TFCP2: variants seen among roughly 807,000 people sequenced by gnomAD.
TFCP2 encodes transcription factor CP2.
Under a neutral mutation model 73.4 loss-of-function variants are expected in TFCP2, and 33 were observed. The ratio of observed to expected loss-of-function variants is 0.45; its 90% confidence interval spans 0.34 to 0.60. The LOEUF is 0.60. TFCP2 is among the 20% of genes least tolerant of loss of function. The pLI is 0.01. For synonymous variants in TFCP2, 193 were observed against 211.6 expected (o/e 0.91, Z 0.76); for missense variants, 352 against 604.0 (o/e 0.58, Z 4.37).
intron 1 of TFCP2, among the ~76,000 whole-genome samples, chr12:51,134,263 C>T (rs1000912516): frequency 4.6e-5 from 7 of 152,094 alleles, no homozygotes; most frequent in Admixed American, 2.0e-4. Flanking sequence ...CGAAACAATA[C>T]TTACTAATTT....
rs1163845920 is a variant in TFCP2, at chr12:51,102,022, G to A, written c.1064C>T (p.Ala355Val). Residue 355 changes from alanine (A) to valine (V), a missense_variant, in exon 11 of 15, where the codon GCA (alanine) becomes GTA (valine). Physicochemically the swap from Ala to Val is moderately conservative, Grantham distance 64. Around this residue, in one of 6 missense-constraint regions of TFCP2, gnomAD observed 194 missense variants for 256.3 expected, o/e 0.76. Transcript: ENST00000257915. ...FTRLFTNFSG[A>V]DLLKLTRDDV... ...ATCTCTAGTTAATTTCAATAAATCTGCCCCTGGAATAAATATAAGAAAATG... is the reference window on the plus strand; with the variant it reads ...ATCTCTAGTTAATTTCAATAAATCTACCCCTGGAATAAATATAAGAAAATG... 6.2e-7 allele frequency: 1 copy of A among 1,605,016 alleles called. No individual in the cohort carries two copies. The highest frequency in any genetic ancestry group is 8.5e-7 in the Non-Finnish European group (1 of 1,172,444).
intron 1 of TFCP2, among the ~76,000 whole-genome samples, chr12:51,153,046 T>C (rs1176068520): frequency 6.6e-6 from 1 of 152,200 alleles, no homozygotes; most frequent in Non-Finnish European, 1.5e-5. Flanking sequence ...TTGCATTCTT[T>C]TTGTTTTCCA....
At chr12:51,141,515 C>T (rs762599226) in intron 1 of TFCP2, among the ~76,000 whole-genome samples, 3 of 151,990 alleles carry the variant, frequency 2.0e-5, no homozygotes, top group Non-Finnish European at 4.4e-5. Context: ...GTCTTGTCAC[C>T]CTATTATCAA....
chr12:51,118,155 T>C (rs547521871), intron 2 of TFCP2, among the ~76,000 whole-genome samples: 8 of 152,182 alleles, frequency 5.3e-5, no homozygotes, highest in Non-Finnish European at 1.2e-4. Flanking sequence ...AAGCTAGTAA[T>C]AGATATCAAG....
chr12:51,165,718 T>C (rs1941744087), intron 1 of TFCP2, among the ~76,000 whole-genome samples: 1 of 152,190 alleles, frequency 6.6e-6, no homozygotes, highest in Non-Finnish European at 1.5e-5. Context: ...TTAATTACAC[T>C]GATCTGGACA....
intron 1 of TFCP2, among the ~76,000 whole-genome samples, chr12:51,125,832 T>C (rs530748246): frequency 3.3e-5 from 5 of 152,218 alleles, no homozygotes; most frequent in Non-Finnish European, 5.9e-5. Flanking sequence ...GCGTGGTGGC[T>C]CATGCCTGTA....
At chr12:51,137,364 A>C (rs1941084106) in intron 1 of TFCP2, among the ~76,000 whole-genome samples, 1 of 152,134 alleles carries the variant, frequency 6.6e-6, no homozygotes, top group South Asian at 2.1e-4. Flanking sequence ...AACACATCTA[A>C]TTTTTGCTAA....
At chr12:51,109,013 G>A in intron 6 of TFCP2, 108 bp downstream of exon 6, 1 of 1,238,128 alleles carries the variant, frequency 8.1e-7, no homozygotes, top group Non-Finnish European at 1.1e-6. Context: ...TTTTGCGTGT[G>A]TGTGAGTTTT....
chr12:51,121,709 GCCCACCTCAGCCT>G (rs1215635945), intron 1 of TFCP2, among the ~76,000 whole-genome samples: 1 of 151,578 alleles, frequency 6.6e-6, no homozygotes, highest in Admixed American at 6.6e-5. Flanking sequence ...CAAGTGATCT[GCCCACCTCAGCCT>G]CCCAAAGTAC....
intron 1 of TFCP2, among the ~76,000 whole-genome samples, chr12:51,158,315 T>C (rs897420394): frequency 6.6e-6 from 1 of 152,090 alleles, no homozygotes; most frequent in Non-Finnish European, 1.5e-5. Context: ...CTGGCCTCCA[T>C]TATAATCTTA....
At chr12:51,155,616 A>G (rs1008686407) in intron 1 of TFCP2, among the ~76,000 whole-genome samples, 1 of 152,150 alleles carries the variant, frequency 6.6e-6, no homozygotes, top group Non-Finnish European at 1.5e-5. Context: ...TTTGACTTGC[A>G]TTTCCTTAAT....
intron 1 of TFCP2, chr12:51,156,964 T>G (rs1168204038): frequency 2.0e-5 from 3 of 152,052 alleles, no homozygotes; most frequent in Admixed American, 2.0e-4. Context: ...CAATTCACTA[T>G]CTCCAGACCA....
intron 1 of TFCP2, among the ~76,000 whole-genome samples, chr12:51,140,445 C>CT (rs768526922): frequency 0.41 from 36,181 of 88,330 alleles, 8,372 homozygotes; most frequent in Non-Finnish European, 0.46. Flanking sequence ...TTTTCTTTTT[C>CT]TTTTTTTTTT....
chr12:51,159,334 A>T (rs1285675715), intron 1 of TFCP2, among the ~76,000 whole-genome samples: 1 of 151,288 alleles, frequency 6.6e-6, no homozygotes, highest in African/African-American at 2.4e-5. Flanking sequence ...TTTTATTTTT[A>T]ATTTATTTTT....
intron 1 of TFCP2, among the ~76,000 whole-genome samples, chr12:51,134,411 A>G (rs1030188799): frequency 6.6e-6 from 1 of 152,028 alleles, no homozygotes; most frequent in Non-Finnish European, 1.5e-5. Flanking sequence ...CAGCCTCCTG[A>G]GTAGCTGGGA....
Position 51,106,588 on chromosome 12 carries a change from T to C in TFCP2, c.854A>G (p.Tyr285Cys). 6.2e-7 allele frequency: 1 copy of C among 1,613,636 alleles called. No homozygotes were observed. The highest frequency in any genetic ancestry group is 8.5e-7 in the Non-Finnish European group (1 of 1,179,758). The change falls in exon 8 of 15, where the codon TAT (tyrosine) becomes TGT (cysteine). Residue 285 changes from tyrosine (Y) to cysteine (C), a missense_variant. Tyr to Cys is a radical substitution (Grantham distance 194). Around this residue, in one of 6 missense-constraint regions of TFCP2, gnomAD observed 194 missense variants for 256.3 expected, o/e 0.76. Transcript: ENST00000257915. ...TECSPWPEITYVNNSPSPGFN... is the reference protein window; with the variant it reads ...TECSPWPEITCVNNSPSPGFN... Reference sequence around the variant, plus strand: ...GCCAGGTGATGGGGAGTTATTGACATACGTGATCTCGGGCCATGGAGAACA... The same window carrying C: ...GCCAGGTGATGGGGAGTTATTGACACACGTGATCTCGGGCCATGGAGAACA...
chr12:51,150,488 A>G (rs935474164), intron 1 of TFCP2, among the ~76,000 whole-genome samples: 31 of 152,216 alleles, frequency 2.0e-4, no homozygotes, highest in African/African-American at 7.2e-4. Context: ...TAAAATTTAA[A>G]AAGTAATGGA....
rs143936931 is a variant in TFCP2 at position 51,129,903 on chromosome 12, A to G, written c.123-11131T>C. Among the ~76,000 whole-genome samples the G allele has an allele frequency of 1.2e-3, 189 of 151,500 alleles. 1 individual carries two copies. The highest frequency in any genetic ancestry group is 8.4e-3 in the East Asian group (43 of 5,138). ...GTGGCTCACACCTACAATCCCAGCA[A>G]TTTGGGAGGCTGAGGCAGGAGGACT... On this transcript the variant is annotated intron_variant, in intron 1 of 14. Coordinates refer to ENST00000257915, the MANE Select transcript of TFCP2 (RefSeq NM_005653.5).
chr12:51,109,718 T>G (rs879380254), intron 5 of TFCP2, among the ~76,000 whole-genome samples: 2,609 of 27,342 alleles, frequency 0.095, 32 homozygotes, highest in Non-Finnish European at 0.16. Context: ...TTGGTGAATT[T>G]TTTTTTTTTT....
Sources: allele counts gnomAD v4.1 joint callset (sites outside exome capture counted in the v4.1 genomes callset), GRCh38; gene constraint gnomAD v4.1.1; regional missense constraint gnomAD v4.1.1; transcripts MANE v1.5; gene names NCBI Gene and HGNC (gene_info 2026-07-23, HGNC 2026-07-21).